The following TPO variants were observed in gnomAD, a reference collection of about 807,000 sequenced individuals.
TPO encodes the protein thyroid peroxidase.
A neutral mutation model predicts 96.9 loss-of-function variants in TPO; 78 were observed. The observed-to-expected ratio is 0.81, with a 90% CI of 0.67 to 0.97. The LOEUF (loss-of-function observed/expected upper bound fraction) is 0.97. Among genes scored for constraint, TPO ranks in the 50% least tolerant of loss-of-function variants. The pLI is 0.00. For synonymous variants in TPO, 547 were observed against 538.0 expected, an observed-to-expected ratio of 1.02 and a Z score of -0.23; for missense variants, 1,252 against 1,274.8, an observed-to-expected ratio of 0.98 and a Z score of 0.27.
chr2:1,400,618 T>A (rs1662152931), intron 1 of TPO, among the ~76,000 whole-genome samples: 1 of 90,296 alleles, frequency 1.1e-5, no homozygotes, highest in Non-Finnish European at 2.1e-5. Context: ...ATTACATGCG[T>A]CTCAAAAAAA....
chr2:1,375,825 G>A (rs565586474), intron 1 of TPO, among the ~76,000 whole-genome samples: 1 of 152,246 alleles, frequency 6.6e-6, no homozygotes, highest in East Asian at 1.9e-4. Context: ...CTGGTTTTTG[G>A]GGAAGCCACC....
intron 5 of TPO, chr2:1,439,106 C>T (rs1041863029): frequency 6.3e-5 from 27 of 425,880 alleles, no homozygotes; most frequent in African/African-American, 4.6e-4. Flanking sequence ...GGGCCTCAGC[C>T]GGCAGCAGTG....
At chr2:1,470,278 C>T (rs751484512) in intron 7 of TPO, among the ~76,000 whole-genome samples, 8 of 152,056 alleles carry the variant, frequency 5.3e-5, no homozygotes, top group South Asian at 4.2e-4. Flanking sequence ...AATAGCTGCC[C>T]GGAATACTTA....
At chr2:1,524,253 G>A (rs1326728544) in intron 15 of TPO, among the ~76,000 whole-genome samples, 1 of 137,884 alleles carries the variant, frequency 7.3e-6, no homozygotes. Context: ...CCCCCACTGT[G>A]TGCAACCTCC....
intron 14 of TPO, chr2:1,513,451 C>T (rs1209551171): frequency 3.3e-5 from 5 of 152,254 alleles, no homozygotes; most frequent in Non-Finnish European, 5.9e-5. Context: ...CACAGTGACT[C>T]ACAGACAAGG....
intron 13 of TPO, among the ~76,000 whole-genome samples, chr2:1,503,076 G>A (rs1673034849): frequency 6.6e-6 from 1 of 152,228 alleles, no homozygotes; most frequent in Non-Finnish European, 1.5e-5. Context: ...TGTGGCCTAT[G>A]TGGACCCCGG....
At chr2:1,527,627 ACT>A (rs1243013839) in intron 15 of TPO, among the ~76,000 whole-genome samples, 2 of 112,594 alleles carry the variant, frequency 1.8e-5, no homozygotes, top group Non-Finnish European at 3.5e-5. Flanking sequence ...AGTCACCCCT[ACT>A]CTCTGCAGAC....
chr2:1,535,746 C>A (rs1393325071), intron 15 of TPO, among the ~76,000 whole-genome samples: 2 of 92,868 alleles, frequency 2.2e-5, no homozygotes, highest in South Asian at 1.0e-3. Flanking sequence ...CTCCCCAAAT[C>A]CCCCCACTCT....
chr2:1,384,104 G>C (rs1248384962), intron 1 of TPO, among the ~76,000 whole-genome samples: 3 of 152,190 alleles, frequency 2.0e-5, no homozygotes, highest in African/African-American at 4.8e-5. Context: ...GTACCATGCT[G>C]TTTTGGTTAC....
intron 2 of TPO, among the ~76,000 whole-genome samples, chr2:1,420,090 T>C (rs188651285): frequency 6.6e-6 from 1 of 152,330 alleles, no homozygotes; most frequent in Admixed American, 6.5e-5. Context: ...AATGGATTTA[T>C]TTTATGAAAC....
At chr2:1,493,491 A>G (rs114138459) in intron 10 of TPO, among the ~76,000 whole-genome samples, 4,366 of 122,462 alleles carry the variant, frequency 0.036, 255 homozygotes, top group African/African-American at 0.13. Context: ...TCTGCCCGGC[A>G]TCTGAGCTGG....
chr2:1,445,307 G>A, intron 5 of TPO, among the ~76,000 whole-genome samples: 1 of 100,598 alleles, frequency 9.9e-6, no homozygotes, highest in Non-Finnish European at 2.1e-5. Flanking sequence ...GAATGGGCAG[G>A]CTCCTTCCTG....
chr2:1,481,304 G>A (rs1670618277), intron 8 of TPO, among the ~76,000 whole-genome samples: 1 of 152,236 alleles, frequency 6.6e-6, no homozygotes, highest in Non-Finnish European at 1.5e-5. Flanking sequence ...TGTGAGGGAG[G>A]CAGAGAGGAG....
At chr2:1,464,993 A>G (rs2148631122) in intron 7 of TPO, among the ~76,000 whole-genome samples, 1 of 152,142 alleles carries the variant, frequency 6.6e-6, no homozygotes, top group East Asian at 1.9e-4. Flanking sequence ...AGCAAGAAGA[A>G]TTTTTCCAAT....
chr2:1,454,040 T>C (rs1667563106), intron 6 of TPO, among the ~76,000 whole-genome samples: 1 of 152,222 alleles, frequency 6.6e-6, no homozygotes, highest in Non-Finnish European at 1.5e-5. Flanking sequence ...AGTGGAACCC[T>C]GCAGATTTAA....
At position 1,516,930 on chromosome 2, in the gene TPO, G is replaced by C; in HGVS notation, c.2566G>C (p.Ala856Pro). The C allele has an allele frequency of 6.2e-7, 1 of 1,614,006 alleles. No individual in the cohort carries two copies. The highest frequency in any genetic ancestry group is 8.5e-7 in the Non-Finnish European group (1 of 1,180,034). ...RVTWISMSLA[A>P]LLIGGFAGLT... ...GACTTGGATCTCCATGTCGCTGGCT[G>C]CTCTGCTGATCGGAGGCTTCGCAGG... is the stretch of plus-strand genomic sequence containing the variant. The change falls in exon 15 of 17, where the codon GCT becomes CCT. Residue 856 changes from alanine to proline, a missense_variant. Physicochemically the swap from Ala to Pro is conservative, Grantham distance 27 (BLOSUM62 -1). Coordinates refer to ENST00000329066, the MANE Select transcript of TPO (RefSeq NM_001206744.2).
Position 1,496,755 on chromosome 2 carries a change from C to G in TPO, c.2376C>G (p.Pro792=). The G allele has an allele frequency of 6.2e-7, 1 of 1,614,110 alleles. No homozygotes were observed. Among genetic ancestry groups the G allele is most frequent in the Non-Finnish European group, 8.5e-7 (1 of 1,180,030 alleles). Residue 792 remains proline, a synonymous_variant, in exon 13 of 17, where the codon CCC becomes CCG. Coordinates refer to ENST00000329066, the MANE Select transcript of TPO (RefSeq NM_001206744.2). ...CTQEGWDFQP[P]LCKDVNECAD... ...AGGAAGGATGGGATTTCCAGCCTCC[C>G]CTCTGCAAAGGTCAGTCCTTTCTTC...
In TPO at chr2:1,496,702, C is replaced by T; in HGVS notation, c.2323C>T (p.Gln775Ter). 6.2e-7 allele frequency: 1 copy of T among 1,614,088 alleles called. No homozygotes were observed. The highest frequency in any genetic ancestry group is 8.5e-7 in the Non-Finnish European group (1 of 1,180,046). ...VYSCRHGYELQGREQLTCTQE... is the reference protein window; with the variant it reads ...VYSCRHGYEL Reference sequence around the variant, plus strand: ...TTCCTGCCGGCACGGGTATGAGCTCCAAGGCCGGGAGCAGCTCACTTGCAC... The same window carrying T: ...TTCCTGCCGGCACGGGTATGAGCTCTAAGGCCGGGAGCAGCTCACTTGCAC... The change falls in exon 13 of 17, where the codon CAA becomes TAA. Residue 775 changes from glutamine to a stop codon, truncating the protein, a stop_gained. Coordinates refer to ENST00000329066, the MANE Select transcript of TPO (RefSeq NM_001206744.2). LOFTEE classifies it high-confidence loss of function.
At chr2:1,477,958 C>T (rs1454541086) in intron 8 of TPO, 3 of 985,274 alleles carry the variant, frequency 3.0e-6, no homozygotes, top group Admixed American at 1.2e-4. Flanking sequence ...CCAGACCACC[C>T]AGGTTTCCCG....
Sources: gnomAD v4.1 joint callset for allele counts (sites outside exome capture counted in the v4.1 genomes callset) on GRCh38, gnomAD v4.1.1 for gene constraint, MANE v1.5 for transcripts, NCBI Gene and HGNC (gene_info 2026-07-23, HGNC 2026-07-21) for gene names.